FGF12: variants seen among roughly 807,000 people sequenced by gnomAD.
The protein encoded by FGF12 is fibroblast growth factor 12B.
Under a neutral mutation model 23.6 loss-of-function variants are expected in FGF12, and 14 were observed. That is an observed-to-expected ratio of 0.59 (90% CI 0.39 to 0.93). The LOEUF (loss-of-function observed/expected upper bound fraction) is 0.93. Ranked by LOEUF, FGF12 falls within the 40% of genes least tolerant of loss-of-function variation. The pLI is 0.00. For missense variants in FGF12, 175 were observed against 217.8 expected, an observed-to-expected ratio of 0.80 and a Z score of 1.24; for synonymous variants, 62 against 77.3, an observed-to-expected ratio of 0.80 and a Z score of 1.04.
intron 4 of FGF12, among the ~76,000 whole-genome samples, chr3:192,317,222 C>A (rs1235592076): frequency 6.6e-6 from 1 of 151,926 alleles, no homozygotes; most frequent in Non-Finnish European, 1.5e-5. Flanking sequence ...AGGGGGGCTT[C>A]TCTTGCAGCT....
At chr3:192,524,330 T>G (rs1346868065) in intron 2 of FGF12, among the ~76,000 whole-genome samples, 1 of 152,226 alleles carries the variant, frequency 6.6e-6, no homozygotes, top group African/African-American at 2.4e-5. Flanking sequence ...CAGCCATTCA[T>G]TTAAAGATCT....
chr3:192,163,051 T>G (rs1320234359), intron 5 of FGF12, among the ~76,000 whole-genome samples: 1 of 152,126 alleles, frequency 6.6e-6, no homozygotes, highest in Non-Finnish European at 1.5e-5. Flanking sequence ...TTGAAGCAGG[T>G]GGAATTTATA....
At chr3:192,223,169 G>A (rs1050985862) in intron 4 of FGF12, among the ~76,000 whole-genome samples, 1 of 152,016 alleles carries the variant, frequency 6.6e-6, no homozygotes, top group Non-Finnish European at 1.5e-5. Flanking sequence ...TACTAGAGGC[G>A]CCTGAACACT....
intron 3 of FGF12, among the ~76,000 whole-genome samples, chr3:192,339,377 C>T (rs185826235): frequency 6.6e-6 from 1 of 152,280 alleles, no homozygotes; most frequent in East Asian, 1.9e-4. Flanking sequence ...TCCACCCACT[C>T]TTTAAGTCCC....
chr3:192,305,031 G>T (rs1455822507), intron 4 of FGF12, among the ~76,000 whole-genome samples: 2 of 152,100 alleles, frequency 1.3e-5, no homozygotes, highest in Admixed American at 6.6e-5. Flanking sequence ...AGGATTGGAG[G>T]AATGGAGCAG....
chr3:192,367,425 T>C (rs1354578436), intron 2 of FGF12, among the ~76,000 whole-genome samples: 1 of 152,208 alleles, frequency 6.6e-6, no homozygotes, highest in Non-Finnish European at 1.5e-5. Context: ...ATTACATTGA[T>C]GCAGACTTCA....
intron 2 of FGF12, among the ~76,000 whole-genome samples, chr3:192,508,868 A>G (rs1290322477): frequency 6.6e-6 from 1 of 152,212 alleles, no homozygotes; most frequent in Non-Finnish European, 1.5e-5. Flanking sequence ...TGAATTAATT[A>G]TTCCTTCCTT....
chr3:192,317,109 A>G lies in FGF12; in HGVS notation c.228+18252T>C, dbSNP rs544322381. The stretch of plus-strand genomic sequence containing the variant: ...CAGTGGAGGCCACAGGCCTTGGGTG[A>G]GACTTAAAGCTGTGCTGGCTTCAAG... On this transcript the variant is annotated intron_variant, in intron 4 of 5. Transcript: ENST00000445105. Among the ~76,000 whole-genome samples the G allele has an allele frequency of 2.0e-5, 3 of 152,132 alleles. No individual in the cohort carries two copies. In the East Asian group the frequency reaches 5.8e-4, roughly 30 times the overall value.
chr3:192,436,385 A>C (rs1722030443), intron 2 of FGF12, among the ~76,000 whole-genome samples: 1 of 152,220 alleles, frequency 6.6e-6, no homozygotes, highest in African/African-American at 2.4e-5. Flanking sequence ...AATCAAGTGG[A>C]GGGCTTAGTA....
At chr3:192,318,488 A>C (rs1716345469) in intron 4 of FGF12, among the ~76,000 whole-genome samples, 1 of 152,158 alleles carries the variant, frequency 6.6e-6, no homozygotes, top group Non-Finnish European at 1.5e-5. Context: ...AAGCAGAATA[A>C]AGACTTGGTG....
At chr3:192,235,287 G>A (rs1719228304) in intron 4 of FGF12, among the ~76,000 whole-genome samples, 1 of 152,118 alleles carries the variant, frequency 6.6e-6, no homozygotes, top group African/African-American at 2.4e-5. Context: ...TATGTTTTCA[G>A]GAATTTATCA....
intron 2 of FGF12, among the ~76,000 whole-genome samples, chr3:192,489,722 T>G (rs1267748478): frequency 6.6e-6 from 1 of 151,882 alleles, no homozygotes; most frequent in African/African-American, 2.4e-5. Context: ...AACAACTATC[T>G]TGAGACTAAA....
At chr3:192,358,032 T>C (rs906867837) in intron 3 of FGF12, among the ~76,000 whole-genome samples, 2 of 152,142 alleles carry the variant, frequency 1.3e-5, no homozygotes. Context: ...TATTACCATA[T>C]ACAAACCTCA....
At position 192,143,635 on chromosome 3, in the gene FGF12, C is replaced by T. The variant is rs1202237013; in HGVS notation, c.*374G>A. 1 of 164,992 alleles carries T rather than the reference C, an allele frequency of 6.1e-6. No homozygotes were observed. Among genetic ancestry groups the T allele is most frequent in the Non-Finnish European group, 1.3e-5 (1 of 76,726 alleles). The allele number at this position is 164,992 out of a possible 1,614,324, so 10.2% of individuals were successfully genotyped here. A position where few individuals can be genotyped will look rare whatever the true frequency, so the allele number is the denominator to read the frequency against. ...AGTATATAACATCAGTTTGTGAGTT[C>T]AATTCTCCAAATCCTTTCCTTTAAA... On this transcript the variant is annotated 3_prime_UTR_variant, in exon 6 of 6. Coordinates refer to ENST00000445105, the MANE Select transcript of FGF12 (RefSeq NM_004113.6).
chr3:192,197,029 G>C (rs1179392701), intron 4 of FGF12, among the ~76,000 whole-genome samples: 1 of 152,062 alleles, frequency 6.6e-6, no homozygotes, highest in Admixed American at 6.6e-5. Flanking sequence ...AGAAATCTAA[G>C]GAAAGGTAAG....
chr3:192,488,272 G>T (rs79760529), intron 2 of FGF12, among the ~76,000 whole-genome samples: 1,630 of 152,142 alleles, frequency 0.011, 22 homozygotes, highest in African/African-American at 0.037. Context: ...ATGAAATTAT[G>T]AAATATCTGG....
At chr3:192,529,383 C>T (rs551734169) in intron 2 of FGF12, among the ~76,000 whole-genome samples, 85 of 152,318 alleles carry the variant, frequency 5.6e-4, no homozygotes, top group African/African-American at 1.9e-3. Context: ...GCCTGGATTT[C>T]ATTGTCCATA....
At chr3:192,713,940 GTGTGGTGCT>G (rs1350420161) in intron 2 of FGF12, among the ~76,000 whole-genome samples, 2 of 152,222 alleles carry the variant, frequency 1.3e-5, no homozygotes, top group Non-Finnish European at 2.9e-5. Flanking sequence ...CACATTGCAA[GTGTGGTGCT>G]TGAATTTCAT....
At chr3:192,717,299 A>G (rs920652469) in intron 2 of FGF12, among the ~76,000 whole-genome samples, 1 of 152,138 alleles carries the variant, frequency 6.6e-6, no homozygotes, top group Non-Finnish European at 1.5e-5. Flanking sequence ...ATTACTTAAC[A>G]TCTCTATGCT....
Sources: gnomAD v4.1 joint callset for allele counts (sites outside exome capture counted in the v4.1 genomes callset) on GRCh38, gnomAD v4.1.1 for gene constraint, MANE v1.5 for transcripts, NCBI Gene and HGNC (gene_info 2026-07-23, HGNC 2026-07-21) for gene names.